The following NFATC2 variants were observed in gnomAD, a reference collection of about 807,000 sequenced individuals.
NFATC2 encodes the protein nuclear factor of activated T-cells, cytoplasmic 2.
A neutral mutation model predicts 87.3 loss-of-function variants in NFATC2; 22 were observed. That is an observed-to-expected ratio of 0.25 (90% CI 0.18 to 0.36). The LOEUF is 0.36. NFATC2 is among the 10% of genes least tolerant of loss of function. The probability of loss-of-function intolerance (pLI) is 1.00; values close to 1 mark genes in which losing one functional copy is unlikely to be tolerated. For missense variants in NFATC2, 1,149 were observed against 1,259.1 expected, an observed-to-expected ratio of 0.91 and a Z score of 1.32; for synonymous variants, 565 against 542.2, an observed-to-expected ratio of 1.04 and a Z score of -0.58.
Position 51,480,925 on chromosome 20 carries a change from C to T in NFATC2, c.1333-5265G>A, listed in dbSNP as rs114008896. ...TGAATGTGAACAAAGTGAGAACCAACGTGAAGGCCTCCCATATGGGAAAGC... is the reference window on the plus strand; with the variant it reads ...TGAATGTGAACAAAGTGAGAACCAATGTGAAGGCCTCCCATATGGGAAAGC... On this transcript the variant is annotated intron_variant, in intron 3 of 10. Transcript: ENST00000371564. The surrounding 1 kb of genome is among the most constrained non-coding windows in gnomAD (Gnocchi z 4.2). 7.1e-3 allele frequency among the ~76,000 whole-genome samples: 1,088 copies of T among 152,204 alleles called. 16 individuals are homozygous for T. The highest frequency in any genetic ancestry group is 0.024 in the African/African-American group (1,009 of 41,548).
At chr20:51,398,998 C>T (rs1441476890) in intron 9 of NFATC2, 6 of 365,148 alleles carry the variant, frequency 1.6e-5, no homozygotes, top group Non-Finnish European at 1.0e-5. Flanking sequence ...TCAGGGTGGA[C>T]AAAAGGGCTG....
At chr20:51,410,210 A>AC (rs386393960) in intron 9 of NFATC2, among the ~76,000 whole-genome samples, 2 of 6,718 alleles carry the variant, frequency 3.0e-4, no homozygotes, top group Admixed American at 2.4e-3. Flanking sequence ...ACTCTGTCTC[A>AC]AAAAAAAAAA....
intron 10 of NFATC2, among the ~76,000 whole-genome samples, chr20:51,396,616 C>T (rs904715430): frequency 5.9e-5 from 9 of 152,168 alleles, no homozygotes; most frequent in African/African-American, 2.2e-4. Flanking sequence ...AGACACTCCT[C>T]AAGCTTGGAT....
chr20:51,534,350 T>G (rs2076685134), intron 1 of NFATC2, among the ~76,000 whole-genome samples: 1 of 152,228 alleles, frequency 6.6e-6, no homozygotes, highest in Non-Finnish European at 1.5e-5. Flanking sequence ...TTGTTTGTTT[T>G]TGAGACAGAG....
chr20:51,503,007 A>C (rs1336101373), intron 3 of NFATC2, among the ~76,000 whole-genome samples: 1 of 152,188 alleles, frequency 6.6e-6, no homozygotes, highest in Non-Finnish European at 1.5e-5. Context: ...AGGAAGGTAA[A>C]ATGTGCTGAG....
chr20:51,436,651 G>A (rs1238115727), intron 6 of NFATC2, among the ~76,000 whole-genome samples: 4 of 152,094 alleles, frequency 2.6e-5, no homozygotes, highest in South Asian at 2.1e-4. Context: ...GGAGGCGGAC[G>A]TTACAGCAAA....
intron 3 of NFATC2, among the ~76,000 whole-genome samples, chr20:51,513,919 A>G (rs1439568347): frequency 6.6e-6 from 1 of 152,256 alleles, no homozygotes; most frequent in Admixed American, 6.5e-5. Context: ...GTCTGCAAAG[A>G]GACGTGGATG....
intron 9 of NFATC2, among the ~76,000 whole-genome samples, chr20:51,414,645 T>C (rs1979778195): frequency 6.6e-6 from 1 of 151,524 alleles, no homozygotes; most frequent in South Asian, 2.1e-4. Context: ...GCAGAGATTG[T>C]GCCACTGCAC....
At chr20:51,535,548 T>C (rs73130842) in intron 1 of NFATC2, among the ~76,000 whole-genome samples, 16,121 of 152,284 alleles carry the variant, frequency 0.11, 1,152 homozygotes, top group Admixed American at 0.25. Flanking sequence ...GCCATGTTCC[T>C]GGGGGTGGGC....
intron 9 of NFATC2, among the ~76,000 whole-genome samples, chr20:51,400,652 C>CCTGT (rs2146237780): frequency 6.6e-6 from 1 of 152,284 alleles, no homozygotes; most frequent in African/African-American, 2.4e-5. Context: ...AGAGGCAGGG[C>CCTGT]CTGTCTTCAT....
intron 6 of NFATC2, among the ~76,000 whole-genome samples, chr20:51,453,204 A>G (rs529176739): frequency 1.3e-5 from 2 of 152,396 alleles, no homozygotes; most frequent in East Asian, 3.9e-4. Flanking sequence ...CCCCGGTCAC[A>G]TGTCCAGCCC....
chr20:51,397,931 T>C (rs1987434329), intron 10 of NFATC2, among the ~76,000 whole-genome samples: 1 of 152,136 alleles, frequency 6.6e-6, no homozygotes, highest in East Asian at 1.9e-4. Flanking sequence ...TTCCTCAATG[T>C]CTCATCTGGA....
At position 51,464,166 on chromosome 20, in the gene NFATC2, G is replaced by A. The variant is rs899875824; in HGVS notation, c.1709-9478C>T. Among the ~76,000 whole-genome samples, 7 of 152,144 alleles carry A rather than the reference G, an allele frequency of 4.6e-5. No individual in the cohort carries two copies. The East Asian group carries it at 9.6e-4, about 21-fold the overall frequency. On this transcript the variant is annotated intron_variant, in intron 5 of 10. Coordinates refer to ENST00000371564, the MANE Select transcript of NFATC2 (RefSeq NM_012340.5). ...GTGACAGGGTGGCAGCCAGAGGTAC[G>A]TAAAGCCTGCTTTACAGAACTACGG...
intron 1 of NFATC2, among the ~76,000 whole-genome samples, chr20:51,556,964 T>C (rs149911308): frequency 6.6e-6 from 1 of 152,230 alleles, no homozygotes; most frequent in East Asian, 1.9e-4. Context: ...GACTCCAGAC[T>C]TCGTGGCGGG....
At chr20:51,517,642 TGC>T (rs2076374637) in intron 2 of NFATC2, among the ~76,000 whole-genome samples, 1 of 149,900 alleles carries the variant, frequency 6.7e-6, no homozygotes, top group East Asian at 1.9e-4. Context: ...CAAGGCTGGG[TGC>T]AGTGGCTCAT....
At chr20:51,472,579 T>C (rs1213353339) in intron 5 of NFATC2, among the ~76,000 whole-genome samples, 2 of 150,604 alleles carry the variant, frequency 1.3e-5, no homozygotes, top group Non-Finnish European at 3.0e-5. Flanking sequence ...TTTAAAACAA[T>C]AGAAACAGTT....
intron 5 of NFATC2, among the ~76,000 whole-genome samples, chr20:51,463,151 G>A (rs1399785255): frequency 6.6e-6 from 1 of 152,230 alleles, no homozygotes; most frequent in Non-Finnish European, 1.5e-5. Flanking sequence ...TCTCCCGGGA[G>A]AGGCTGTGAG....
intron 1 of NFATC2, among the ~76,000 whole-genome samples, chr20:51,525,057 T>C (rs950022702): frequency 2.0e-5 from 3 of 151,718 alleles, no homozygotes; most frequent in Non-Finnish European, 2.9e-5. Context: ...CCATCTCTAC[T>C]AAAAATACAA....
intron 3 of NFATC2, among the ~76,000 whole-genome samples, chr20:51,509,948 G>A (rs973976114): frequency 3.3e-5 from 5 of 152,202 alleles, no homozygotes; most frequent in Admixed American, 6.5e-5. Flanking sequence ...TACTGTTACC[G>A]GGAATGAAAT....
Sources: gnomAD v4.1 joint callset for allele counts (sites outside exome capture counted in the v4.1 genomes callset) on GRCh38, gnomAD v4.1.1 for gene constraint, Gnocchi (gnomAD v3.1) non-coding constraint, MANE v1.5 for transcripts, NCBI Gene and HGNC (gene_info 2026-07-23, HGNC 2026-07-21) for gene names.